The following DSE variants were observed in gnomAD, a reference collection of about 807,000 sequenced individuals.
The protein encoded by DSE is dermatan sulfate epimerase.
Under a neutral mutation model 84.4 loss-of-function variants are expected in DSE, and 36 were observed. The observed-to-expected ratio is 0.43, with a 90% CI of 0.33 to 0.56. The LOEUF (loss-of-function observed/expected upper bound fraction) is 0.56. Among genes scored for constraint, DSE ranks in the 20% least tolerant of loss-of-function variants. The probability of loss-of-function intolerance (pLI) is 0.06; values close to 1 mark genes in which losing one functional copy is unlikely to be tolerated. For missense variants in DSE, 862 were observed against 1,169.6 expected, an observed-to-expected ratio of 0.74 and a Z score of 3.84; for synonymous variants, 410 against 430.1, an observed-to-expected ratio of 0.95 and a Z score of 0.58.
rs143112931 is a variant in DSE, at chr6:116,261,080, C to T, written c.-54+2113C>T. ...CTATAAATTGCTTTGGGCAGTAGGA[C>T]CATTATAACAATATTGATTCTTCCT... On this transcript the variant is annotated intron_variant, in intron 2 of 3. Transcript: ENST00000430252. 6.8e-3 allele frequency among the ~76,000 whole-genome samples: 1,030 copies of T among 152,188 alleles called. 21 individuals are homozygous for T. Among genetic ancestry groups the T allele is most frequent in the South Asian group, 0.049 (236 of 4,820 alleles).
Position 116,437,318 on chromosome 6 carries a change from C to T in DSE, c.2850C>T (p.Tyr950=), listed in dbSNP as rs751986225. ...LIDSCILLWL[Y]SSCSQSQC is the part of the protein sequence containing the mutation. ...ATAGCTGTATTTTATTATGGTTGTACTCTTCTTGTTCCCAATCACAGTGTT... is the reference window on the plus strand; with the variant it reads ...ATAGCTGTATTTTATTATGGTTGTATTCTTCTTGTTCCCAATCACAGTGTT... Residue 950 remains tyrosine, a synonymous_variant, in exon 6 of 6, where the codon TAC becomes TAT. Transcript: ENST00000644252. 71 of 1,612,062 alleles carry T rather than the reference C, an allele frequency of 4.4e-5. No homozygotes were observed. The East Asian group carries it at 7.8e-4, about 18-fold the overall frequency.
At chr6:116,318,452 G>A (rs554067372) in intron 2 of DSE, among the ~76,000 whole-genome samples, 8 of 152,152 alleles carry the variant, frequency 5.3e-5, no homozygotes, top group South Asian at 2.1e-4. Context: ...GCAGTGAGCC[G>A]AGATGCACCA....
At chr6:116,364,810 A>G (rs1390156566) in intron 2 of DSE, among the ~76,000 whole-genome samples, 1 of 151,870 alleles carries the variant, frequency 6.6e-6, no homozygotes. Flanking sequence ...CTTTGGTTCA[A>G]GTACCTGTTT....
At chr6:116,370,397 T>G, upstream of DSE, 66 of 372,944 alleles carry the variant, frequency 1.8e-4, no homozygotes, top group Non-Finnish European at 2.1e-4. Flanking sequence ...AAGTCCCCCC[T>G]CCCACTAACT....
intron 2 of DSE, among the ~76,000 whole-genome samples, chr6:116,318,268 A>G (rs953335832): frequency 3.3e-5 from 5 of 152,296 alleles, no homozygotes; most frequent in African/African-American, 1.2e-4. Flanking sequence ...ACACTTTGGG[A>G]GGCCAAGGCA....
intron 1 of DSE, among the ~76,000 whole-genome samples, chr6:116,384,137 G>A (rs1780430523): frequency 6.6e-6 from 1 of 152,154 alleles, no homozygotes; most frequent in Admixed American, 6.5e-5. Flanking sequence ...GGGACATGAG[G>A]GAATCACTTT....
chr6:116,315,389 C>T (rs1775910264), intron 2 of DSE, among the ~76,000 whole-genome samples: 1 of 151,550 alleles, frequency 6.6e-6, no homozygotes, highest in African/African-American at 2.4e-5. Flanking sequence ...TTGTCAGTCT[C>T]CTTGCTTTAG....
In DSE at chr6:116,293,902, G is replaced by C. The variant is rs1305370022; in HGVS notation, c.-54+34935G>C. Among the ~76,000 whole-genome samples, 7 of 152,126 alleles carry C rather than the reference G, an allele frequency of 4.6e-5. No individual in the cohort carries two copies. The East Asian group carries it at 1.4e-3, about 29-fold the overall frequency. On this transcript the variant is annotated intron_variant, in intron 2 of 3. Transcript: ENST00000430252. Reference sequence around the variant, plus strand: ...CCTCAAAAAGAAATAAAAAGAGCTAGAAGTGACCTTGGTGATCTATTTGGT... The same window carrying C: ...CCTCAAAAAGAAATAAAAAGAGCTACAAGTGACCTTGGTGATCTATTTGGT...
chr6:116,351,043 G>A (rs1401099967), intron 2 of DSE, among the ~76,000 whole-genome samples: 1 of 152,106 alleles, frequency 6.6e-6, no homozygotes, highest in East Asian at 1.9e-4. Context: ...CTCCCAAATT[G>A]ACTAATATTA....
At chr6:116,303,056 A>G (rs780866486) in intron 2 of DSE, among the ~76,000 whole-genome samples, 3 of 152,038 alleles carry the variant, frequency 2.0e-5, no homozygotes, top group African/African-American at 7.2e-5. Flanking sequence ...TATCTCATCC[A>G]ATTCGTCCAA....
chr6:116,436,072 T>C lies in DSE; in HGVS notation c.1604T>C (p.Val535Ala). ...VVAAEEKNGV[V>A]FIRGEGVGAY... The stretch of plus-strand genomic sequence containing the variant: ...GCAGCAGAGGAGAAAAATGGGGTGG[T>C]TTTCATCCGAGGAGAAGGTGTGGGA... The change falls in exon 6 of 6, where the codon GTT becomes GCT. Residue 535 changes from valine to alanine, a missense_variant. Val to Ala is a moderately conservative substitution (Grantham distance 64). This residue lies in a region of DSE where 186 missense variants were observed against 255.1 expected (regional missense o/e 0.73). Transcript: ENST00000644252. The C allele has an allele frequency of 6.2e-7, 1 of 1,613,612 alleles. No homozygotes were observed. Among genetic ancestry groups the C allele is most frequent in the Non-Finnish European group, 8.5e-7 (1 of 1,179,992 alleles).
chr6:116,321,493 T>C (rs1019485276), intron 2 of DSE, among the ~76,000 whole-genome samples: 1 of 151,968 alleles, frequency 6.6e-6, no homozygotes, highest in Non-Finnish European at 1.5e-5. Context: ...ACTCTTCTTA[T>C]ATTTACAGTT....
chr6:116,375,522 A>G, intron 1 of DSE: 4 of 985,076 alleles, frequency 4.1e-6, no homozygotes, highest in Non-Finnish European at 4.8e-6. Context: ...TTTTATGTGT[A>G]TGGTAAATAA....
intron 2 of DSE, chr6:116,279,958 C>A: frequency 1.5e-6 from 2 of 1,355,032 alleles, no homozygotes; most frequent in African/African-American, 2.9e-5. Context: ...GTCGTCAGGA[C>A]TGGAGATCTC....
At chr6:116,400,264 G>A (rs577192744) in intron 2 of DSE, 1 of 152,100 alleles carries the variant, frequency 6.6e-6, no homozygotes, top group East Asian at 1.9e-4. Context: ...CTGTCTTTTC[G>A]ATTAGCTTAA....
chr6:116,330,116 C>T (rs991435652), intron 2 of DSE, among the ~76,000 whole-genome samples: 4 of 152,170 alleles, frequency 2.6e-5, no homozygotes, highest in South Asian at 2.1e-4. Flanking sequence ...TGAGCCACTG[C>T]GCCTGGCCCA....
In DSE at chr6:116,436,187, C is replaced by G. The variant is rs1339087565; in HGVS notation, c.1719C>G (p.His573Gln). 1 of 1,613,590 alleles carries G rather than the reference C, an allele frequency of 6.2e-7. No homozygotes were observed. The highest frequency in any genetic ancestry group is 8.5e-7 in the Non-Finnish European group (1 of 1,180,018). ...TGCTTCTCCTTGTAGACCAAATACA[C>G]CTGGGAGAGGAGAGTCCCTTGGAGA... ...PQLLLLVDQI[H>Q]LGEESPLETA... The change falls in exon 6 of 6, where the codon CAC becomes CAG. Residue 573 changes from histidine to glutamine, a missense_variant. This residue lies in a region of DSE where 186 missense variants were observed against 255.1 expected (regional missense o/e 0.73). Transcript: ENST00000644252.
At chr6:116,306,054 G>A (rs1328969516) in intron 2 of DSE, among the ~76,000 whole-genome samples, 2 of 152,074 alleles carry the variant, frequency 1.3e-5, no homozygotes, top group African/African-American at 4.8e-5. Context: ...GTACATGTGA[G>A]TATGTGTATG....
At chr6:116,266,260 G>T (rs1450894494) in intron 2 of DSE, among the ~76,000 whole-genome samples, 1 of 152,216 alleles carries the variant, frequency 6.6e-6, no homozygotes, top group African/African-American at 2.4e-5. Context: ...TTGGCTGTTA[G>T]TCTTGCCGAC....
Sources: allele counts gnomAD v4.1 joint callset (sites outside exome capture counted in the v4.1 genomes callset), GRCh38; gene constraint gnomAD v4.1.1; regional missense constraint gnomAD v4.1.1; transcripts MANE v1.5; gene names NCBI Gene and HGNC (gene_info 2026-07-23, HGNC 2026-07-21).